The following UCHL3 variants were observed in gnomAD, a reference collection of about 807,000 sequenced individuals.
UCHL3 encodes the protein ubiquitin carboxyl-terminal hydrolase isozyme L3.
A neutral mutation model predicts 35.8 loss-of-function variants in UCHL3; 22 were observed. That is an observed-to-expected ratio of 0.61 (90% confidence interval 0.44 to 0.88). The LOEUF is 0.88. UCHL3 is among the 40% of genes least tolerant of loss of function. The pLI is 0.00. For synonymous variants in UCHL3, 90 were observed against 92.8 expected (o/e 0.97, Z 0.17); for missense variants, 229 against 276.9 (o/e 0.83, Z 1.23).
intron 2 of UCHL3, among the ~76,000 whole-genome samples, chr13:75,550,237 T>A (rs373838223): frequency 6.6e-6 from 1 of 152,276 alleles, no homozygotes; most frequent in East Asian, 1.9e-4. Flanking sequence ...GGACTCCGGG[T>A]CTGAGGTTTG....
At chr13:75,601,148 C>A (rs560267819) in intron 7 of UCHL3, among the ~76,000 whole-genome samples, 2 of 152,234 alleles carry the variant, frequency 1.3e-5, no homozygotes, top group African/African-American at 4.8e-5. Context: ...TAAAGATGAG[C>A]AAATAAACTG....
At chr13:75,554,652 C>T (rs1272713481) in intron 2 of UCHL3, among the ~76,000 whole-genome samples, 1 of 152,188 alleles carries the variant, frequency 6.6e-6, no homozygotes, top group Non-Finnish European at 1.5e-5. Context: ...CATATGCACC[C>T]AAAGTGGCCT....
intron 6 of UCHL3, among the ~76,000 whole-genome samples, chr13:75,589,065 TC>T (rs1424950467): frequency 6.6e-6 from 1 of 152,222 alleles, no homozygotes; most frequent in East Asian, 1.9e-4. Flanking sequence ...ACAGTATGTG[TC>T]CCATGTTAGC....
intron 6 of UCHL3, among the ~76,000 whole-genome samples, chr13:75,570,516 G>A (rs1459780699): frequency 1.3e-5 from 2 of 152,132 alleles, no homozygotes; most frequent in Admixed American, 1.3e-4. Context: ...GATTACAGGC[G>A]TGAGCCACCT....
At chr13:75,602,425 G>A (rs2032802808) in intron 7 of UCHL3, among the ~76,000 whole-genome samples, 1 of 152,200 alleles carries the variant, frequency 6.6e-6, no homozygotes, top group Non-Finnish European at 1.5e-5. Context: ...GCCTGGAAGT[G>A]GCACAGCCCG....
intron 6 of UCHL3, among the ~76,000 whole-genome samples, chr13:75,594,012 ATTT>A (rs1158674952): frequency 6.6e-6 from 1 of 152,176 alleles, no homozygotes; most frequent in African/African-American, 2.4e-5. Context: ...CTCTATTTGC[ATTT>A]TTAACAGTGA....
At chr13:75,573,864 G>A (rs2031940017) in intron 6 of UCHL3, among the ~76,000 whole-genome samples, 1 of 152,102 alleles carries the variant, frequency 6.6e-6, no homozygotes, top group Non-Finnish European at 1.5e-5. Context: ...GTACACTTCC[G>A]GGTATACCGC....
At chr13:75,595,597 CAAAAAAAAAA>C (rs58733406) in intron 7 of UCHL3, among the ~76,000 whole-genome samples, 8,394 of 45,506 alleles carry the variant, frequency 0.18, 394 homozygotes, top group Middle Eastern at 0.46. Flanking sequence ...TACTCCATCT[CAAAAAAAAAA>C]AAAAAAAAAA....
intron 7 of UCHL3, among the ~76,000 whole-genome samples, chr13:75,598,203 A>G (rs2032693134): frequency 6.6e-6 from 1 of 152,224 alleles, no homozygotes; most frequent in South Asian, 2.1e-4. Flanking sequence ...CAGAGCTCCC[A>G]TACATCCTCC....
At chr13:75,598,458 A>G (rs1422988442) in intron 7 of UCHL3, among the ~76,000 whole-genome samples, 3 of 152,186 alleles carry the variant, frequency 2.0e-5, no homozygotes, top group Non-Finnish European at 2.9e-5. Context: ...TCAGGAGCCA[A>G]TCCAGGATTA....
chr13:75,568,632 T>C lies in UCHL3; in HGVS notation c.427-828T>C, dbSNP rs565850747. Among the ~76,000 whole-genome samples the C allele has an allele frequency of 3.3e-5, 5 of 152,144 alleles. No individual in the cohort carries two copies. The South Asian group carries it at 1.0e-3, about 32-fold the overall frequency. On this transcript the variant is annotated intron_variant, in intron 5 of 8. Coordinates refer to ENST00000377595, the MANE Select transcript of UCHL3 (RefSeq NM_006002.5). ...CATAGCTTTCCATTATGTAGTATTG[T>C]ATTTCACCAATAAATTATTGTTAGA...
At chr13:75,587,483 A>C (rs941502054) in intron 6 of UCHL3, among the ~76,000 whole-genome samples, 4 of 152,092 alleles carry the variant, frequency 2.6e-5, no homozygotes, top group Non-Finnish European at 4.4e-5. Flanking sequence ...TATTAATGTA[A>C]GTTAATTCCC....
At chr13:75,605,075 A>G (rs2032897592) in intron 8 of UCHL3, 1 of 357,658 alleles carries the variant, frequency 2.8e-6, no homozygotes, top group Admixed American at 4.6e-5. Context: ...TGCTCATTAT[A>G]TCCGAGATTT....
In UCHL3 at chr13:75,590,347, C is replaced by G. The variant is rs1224642409; in HGVS notation, c.475-4568C>G. ...ATCCATCTTTCCACTCCATATCCTGCCAACATAACGGCACCTGCCTTTTGA... is the reference window on the plus strand; with the variant it reads ...ATCCATCTTTCCACTCCATATCCTGGCAACATAACGGCACCTGCCTTTTGA... On this transcript the variant is annotated intron_variant, in intron 6 of 8. Transcript: ENST00000377595. The G allele has an allele frequency of 6.3e-6, 4 of 638,028 alleles. No homozygotes were observed. The East Asian group carries it at 4.1e-4, about 66-fold the overall frequency. The allele number at this position is 638,028 out of a possible 1,614,324, so 39.5% of individuals were successfully genotyped here. A position where few individuals can be genotyped will look rare whatever the true frequency, so the allele number is the denominator to read the frequency against.
intron 3 of UCHL3, among the ~76,000 whole-genome samples, chr13:75,562,219 A>G (rs1195610820): frequency 2.0e-5 from 3 of 152,126 alleles, no homozygotes; most frequent in Non-Finnish European, 2.9e-5. Context: ...GATAAATTAA[A>G]TAACATTGAA....
At chr13:75,577,733 A>T (rs1412725081) in intron 6 of UCHL3, among the ~76,000 whole-genome samples, 1 of 152,222 alleles carries the variant, frequency 6.6e-6, no homozygotes, top group Non-Finnish European at 1.5e-5. Flanking sequence ...AATATCAGTG[A>T]TGTAATAGTG....
At chr13:75,550,050 T>G in intron 2 of UCHL3, 63 bp downstream of exon 2, 1 of 1,608,702 alleles carries the variant, frequency 6.2e-7, no homozygotes, top group Non-Finnish European at 8.5e-7. Flanking sequence ...TCCGCTTCCC[T>G]GCTGGACTCC....
intron 6 of UCHL3, among the ~76,000 whole-genome samples, chr13:75,570,380 C>T (rs1347463159): frequency 2.6e-5 from 4 of 152,046 alleles, no homozygotes; most frequent in South Asian, 4.1e-4. Context: ...GAACTACAGG[C>T]GCCCGCCACC....
chr13:75,579,479 TTTG>T (rs2032118506), intron 6 of UCHL3, among the ~76,000 whole-genome samples: 2 of 152,186 alleles, frequency 1.3e-5, no homozygotes, highest in African/African-American at 4.8e-5. Flanking sequence ...TCTATCTTTT[TTTG>T]TTTCTTCTGA....
Sources: gnomAD v4.1 joint callset for allele counts (sites outside exome capture counted in the v4.1 genomes callset) on GRCh38, gnomAD v4.1.1 for gene constraint, MANE v1.5 for transcripts, NCBI Gene and HGNC (gene_info 2026-07-23, HGNC 2026-07-21) for gene names.